Variants in UMODL1 observed in about 807,000 individuals in gnomAD.
UMODL1 encodes uromodulin like 1.
Under a neutral mutation model 136.3 loss-of-function variants are expected in UMODL1, and 128 were observed. The ratio of observed to expected loss-of-function variants is 0.94; its 90% CI spans 0.81 to 1.09. UMODL1 has a LOEUF of 1.09. Ranked by LOEUF, UMODL1 falls within the 50% of genes least tolerant of loss-of-function variation. UMODL1 has a pLI of 0.00. For synonymous variants in UMODL1, 721 were observed against 720.0 expected, an observed-to-expected ratio of 1.00 and a Z score of -0.02; for missense variants, 1,766 against 1,725.6, an observed-to-expected ratio of 1.02 and a Z score of -0.41.
At chr21:42,136,691 C>T (rs11701890) in intron 21 of UMODL1, among the ~76,000 whole-genome samples, 21,852 of 152,120 alleles carry the variant, frequency 0.14, 1,883 homozygotes, top group Non-Finnish European at 0.19. Flanking sequence ...TCAGTTTTCA[C>T]ATCTTTTAGG....
At chr21:42,086,049 G>C (rs10483085) in intron 4 of UMODL1, among the ~76,000 whole-genome samples, 5,421 of 152,306 alleles carry the variant, frequency 0.036, 129 homozygotes, top group Middle Eastern at 0.075. Context: ...TACCAACCAG[G>C]ATGTCTTCTC....
chr21:42,071,299 T>A (rs559880690), upstream of UMODL1: 6 of 1,554,092 alleles, frequency 3.9e-6, no homozygotes, highest in African/African-American at 4.2e-5. Context: ...AGCCCTGTAC[T>A]GCCACCACTG....
At chr21:42,073,030 G>A (rs537831991) in intron 1 of UMODL1, among the ~76,000 whole-genome samples, 3,206 of 152,132 alleles carry the variant, frequency 0.021, 43 homozygotes, top group Middle Eastern at 0.058. Context: ...GTGCGCGCGC[G>A]CGTGTGTGTG....
At chr21:42,127,310 T>C in intron 19 of UMODL1, 68 bp downstream of exon 19, 2 of 1,427,134 alleles carry the variant, frequency 1.4e-6, no homozygotes, top group Middle Eastern at 2.3e-4. Context: ...TAGGTAGGGC[T>C]CAAGAATGCA....
intron 7 of UMODL1, among the ~76,000 whole-genome samples, chr21:42,101,221 C>A (rs1284944454): frequency 6.6e-6 from 1 of 151,932 alleles, no homozygotes; most frequent in Non-Finnish European, 1.5e-5. Flanking sequence ...GCAGCGGATG[C>A]CCAGAGCCTC....
chr21:42,129,695 T>C lies in UMODL1; in HGVS notation c.3691-18T>C, dbSNP rs2067107517. 1.9e-6 allele frequency: 3 copies of C among 1,564,404 alleles called. No individual in the cohort carries two copies. The highest frequency in any genetic ancestry group is 2.6e-6 in the Non-Finnish European group (3 of 1,162,668). On this transcript the variant is annotated intron_variant, in intron 20 of 22. Coordinates refer to ENST00000408910, the MANE Select transcript of UMODL1 (RefSeq NM_001004416.3). ...TTCAATTAATTTGACGTTTCTCTTC[T>C]TGGAAAAAAAAAAACAGAATTGCAA...
At chr21:42,106,528 G>A (rs555022986) in intron 9 of UMODL1, among the ~76,000 whole-genome samples, 18 of 152,234 alleles carry the variant, frequency 1.2e-4, no homozygotes, top group Non-Finnish European at 2.2e-4. Context: ...TCAGGTTGTC[G>A]TGACCTTATC....
At chr21:42,090,558 A>G in intron 6 of UMODL1, 120 bp downstream of exon 6, 12 of 1,289,024 alleles carry the variant, frequency 9.3e-6, no homozygotes, top group Non-Finnish European at 1.3e-5. Flanking sequence ...GCCATGAAAT[A>G]TCTTGCTTTT....
At chr21:42,113,930 C>G in intron 13 of UMODL1, 100 bp downstream of exon 13, 2 of 1,457,200 alleles carry the variant, frequency 1.4e-6, no homozygotes, top group South Asian at 2.8e-5. Flanking sequence ...TTATGGGCTG[C>G]TAGGTGTCAT....
intron 2 of UMODL1, among the ~76,000 whole-genome samples, chr21:42,082,794 G>A (rs1321979848): frequency 6.6e-6 from 1 of 152,194 alleles, no homozygotes; most frequent in African/African-American, 2.4e-5. Flanking sequence ...TGACCCCTGG[G>A]GTTCGGTTTC....
intron 3 of UMODL1, among the ~76,000 whole-genome samples, chr21:42,084,471 T>G (rs1457878040): frequency 6.6e-6 from 1 of 152,268 alleles, no homozygotes; most frequent in Admixed American, 6.5e-5. Flanking sequence ...TTAGGGGCCC[T>G]GAAATGGGAA....
At chr21:42,097,484 C>T (rs59945925) in intron 6 of UMODL1, among the ~76,000 whole-genome samples, 1 of 151,932 alleles carries the variant, frequency 6.6e-6, no homozygotes, top group Non-Finnish European at 1.5e-5. Context: ...AGCCAAGGCG[C>T]AAAGGGAAAT....
In UMODL1 at chr21:42,102,224, A is replaced by T. The variant is rs1478993028; in HGVS notation, c.1245A>T (p.Leu415Phe). 6.2e-7 allele frequency: 1 copy of T among 1,613,750 alleles called. No homozygotes were observed. The highest frequency in any genetic ancestry group is 8.5e-7 in the Non-Finnish European group (1 of 1,179,888). The change falls in exon 8 of 23, where the codon TTA becomes TTT. Residue 415 changes from leucine to phenylalanine, a missense_variant. Leu to Phe is a conservative substitution (Grantham distance 22). Coordinates refer to ENST00000408910, the MANE Select transcript of UMODL1 (RefSeq NM_001004416.3). ...KIVNHNLTEK[L>F]LNRSSVEYQD... ...TAAACCACAACCTGACGGAGAAGTT[A>T]CTCAACCGCAGCAGTGTGGAGTACC...
At chr21:42,120,575 G>C (rs1358871076) in intron 15 of UMODL1, 1 of 152,538 alleles carries the variant, frequency 6.6e-6, no homozygotes, top group African/African-American at 2.4e-5. Flanking sequence ...GAGCATGCCT[G>C]CATTTTAAAA....
upstream of UMODL1, among the ~76,000 whole-genome samples, chr21:42,071,122 G>T (rs1381644610): frequency 6.6e-6 from 1 of 152,226 alleles, no homozygotes; most frequent in Non-Finnish European, 1.5e-5. Context: ...GCAATGGTGG[G>T]TGTTAACGAG....
At chr21:42,125,174 C>T (rs1025110886) in intron 17 of UMODL1, among the ~76,000 whole-genome samples, 3 of 152,154 alleles carry the variant, frequency 2.0e-5, no homozygotes, top group African/African-American at 7.2e-5. Flanking sequence ...AAGTGGGAAC[C>T]GGGTGGACGT....
In UMODL1 at chr21:42,088,397, G is replaced by T. The variant is rs201081633; in HGVS notation, c.707G>T (p.Arg236Leu). ...TVSRLLLGLP[R>L]PLPVADVSTL... ...TCGCGGCTGCTACTGGGCCTGCCACGGCCACTGCCTGTGGCTGACGTCTCC... is the reference window on the plus strand; with the variant it reads ...TCGCGGCTGCTACTGGGCCTGCCACTGCCACTGCCTGTGGCTGACGTCTCC... Residue 236 changes from arginine to leucine, a missense_variant, in exon 5 of 23, where the codon CGG (arginine) becomes CTG (leucine). Transcript: ENST00000408910. The T allele has an allele frequency of 1.9e-5, 30 of 1,613,968 alleles. No individual in the cohort carries two copies. The East Asian group carries it at 6.0e-4, about 32-fold the overall frequency.
intron 2 of UMODL1, among the ~76,000 whole-genome samples, chr21:42,078,003 G>A (rs1313180213): frequency 2.0e-5 from 3 of 152,188 alleles, no homozygotes; most frequent in Admixed American, 6.5e-5. Flanking sequence ...GAGAGTTGAT[G>A]CGTTTCTGTT....
Position 42,085,448 on chromosome 21 carries a change from T to C in UMODL1, c.603+36T>C, listed in dbSNP as rs2066415117. 1 of 1,612,642 alleles carries C rather than the reference T, an allele frequency of 6.2e-7. No homozygotes were observed. Among genetic ancestry groups the C allele is most frequent in the Non-Finnish European group, 8.5e-7 (1 of 1,179,656 alleles). On this transcript the variant is annotated intron_variant, in intron 4 of 22. Coordinates refer to ENST00000408910, the MANE Select transcript of UMODL1 (RefSeq NM_001004416.3). The surrounding 1 kb of genome is among the most constrained non-coding windows in gnomAD (Gnocchi z 4.5). Reference sequence around the variant, plus strand: ...CAGACGGGGGCTGCCTGCACCCTCCTTGTGGCAGCTGCTCAGGCAGACCCA... The same window carrying C: ...CAGACGGGGGCTGCCTGCACCCTCCCTGTGGCAGCTGCTCAGGCAGACCCA...
Sources: allele counts gnomAD v4.1 joint callset (sites outside exome capture counted in the v4.1 genomes callset), GRCh38; gene constraint gnomAD v4.1.1; non-coding constraint Gnocchi (gnomAD v3.1); transcripts MANE v1.5; gene names NCBI Gene and HGNC (gene_info 2026-07-23, HGNC 2026-07-21).